Variants in GALNT1 observed in about 807,000 individuals in gnomAD.
GALNT1 encodes the protein polypeptide N-acetylgalactosaminyltransferase 1.
A neutral mutation model predicts 65.7 loss-of-function variants in GALNT1; 17 were observed. That is an observed-to-expected ratio of 0.26 (90% confidence interval 0.18 to 0.39). The LOEUF (loss-of-function observed/expected upper bound fraction) is 0.39. Among genes scored for constraint, GALNT1 ranks in the 10% least tolerant of loss-of-function variants. The pLI is 1.00. For synonymous variants in GALNT1, 210 were observed against 219.7 expected (o/e 0.96, Z 0.39); for missense variants, 460 against 672.8 (o/e 0.68, Z 3.50).
intron 1 of GALNT1, among the ~76,000 whole-genome samples, chr18:35,643,473 C>T (rs1318533168): frequency 6.6e-6 from 1 of 152,110 alleles, no homozygotes; most frequent in Non-Finnish European, 1.5e-5. Context: ...TAAAACATAA[C>T]ACATATCTGG....
intron 1 of GALNT1, among the ~76,000 whole-genome samples, chr18:35,584,168 T>C (rs1443932339): frequency 6.6e-6 from 1 of 152,244 alleles, no homozygotes; most frequent in Non-Finnish European, 1.5e-5. Flanking sequence ...TGTCCTGGCT[T>C]TCTTTGATGG....
At chr18:35,692,492 T>C (rs2047984289) in intron 9 of GALNT1, among the ~76,000 whole-genome samples, 172 bp downstream of exon 9, 1 of 152,126 alleles carries the variant, frequency 6.6e-6, no homozygotes, top group Non-Finnish European at 1.5e-5. Context: ...ATATTCTTTT[T>C]TTCCCATTCC....
chr18:35,659,794 A>G (rs2047450118), intron 2 of GALNT1: 2 of 152,234 alleles, frequency 1.3e-5, no homozygotes, highest in South Asian at 2.1e-4. Context: ...ACTTTAAAAT[A>G]TTACTAGTAA....
intron 1 of GALNT1, among the ~76,000 whole-genome samples, chr18:35,653,788 A>G (rs1332436244): frequency 1.3e-5 from 2 of 152,234 alleles, no homozygotes; most frequent in East Asian, 3.8e-4. Context: ...TAACATAATA[A>G]AGGGAGGTAG....
chr18:35,629,663 T>G (rs942600589), intron 1 of GALNT1, among the ~76,000 whole-genome samples: 2 of 152,116 alleles, frequency 1.3e-5, no homozygotes, highest in African/African-American at 2.4e-5. Flanking sequence ...ATCAACTAAC[T>G]AGCAAAATAG....
chr18:35,586,056 A>G (rs1338877444), intron 1 of GALNT1, among the ~76,000 whole-genome samples: 6 of 152,106 alleles, frequency 3.9e-5, no homozygotes, highest in African/African-American at 1.4e-4. Context: ...CTGTTTTGTA[A>G]AATGTTCTAG....
At chr18:35,709,033 G>C (rs964838939) in intron 11 of GALNT1, among the ~76,000 whole-genome samples, 5 of 152,056 alleles carry the variant, frequency 3.3e-5, no homozygotes, top group Admixed American at 3.3e-4. Context: ...ATAGCCTCTG[G>C]GTTTGCTATG....
Position 35,654,818 on chromosome 18 carries a change from A to G in GALNT1, c.139+17A>G, listed in dbSNP as rs150746841. 1.9e-6 allele frequency: 3 copies of G among 1,543,500 alleles called. No individual in the cohort carries two copies. Among genetic ancestry groups the G allele is most frequent in the African/African-American group, 1.4e-5 (1 of 72,390 alleles). On this transcript the variant is annotated intron_variant, in intron 2 of 11. Coordinates refer to ENST00000269195, the MANE Select transcript of GALNT1 (RefSeq NM_020474.4). ...CTGGAGATGGTGAGTGACATTTTATAATAGAGCTGTTTTAACTACTATATC... is the reference window on the plus strand; with the variant it reads ...CTGGAGATGGTGAGTGACATTTTATGATAGAGCTGTTTTAACTACTATATC...
At chr18:35,626,269 A>G (rs1049558463) in intron 1 of GALNT1, among the ~76,000 whole-genome samples, 1 of 152,082 alleles carries the variant, frequency 6.6e-6, no homozygotes, top group Non-Finnish European at 1.5e-5. Context: ...AACATTTTTC[A>G]TGTTTGTGTG....
intron 9 of GALNT1, among the ~76,000 whole-genome samples, chr18:35,700,752 G>A (rs570929732): frequency 6.6e-6 from 1 of 152,236 alleles, no homozygotes; most frequent in African/African-American, 2.4e-5. Context: ...CAAAGTGCTA[G>A]GATTCTACAT....
intron 1 of GALNT1, among the ~76,000 whole-genome samples, chr18:35,650,901 G>T (rs1460548292): frequency 6.6e-6 from 1 of 152,162 alleles, no homozygotes; most frequent in African/African-American, 2.4e-5. Context: ...GAGATTAAGA[G>T]ATTAAAGCAA....
At chr18:35,611,468 C>A (rs577387779) in intron 1 of GALNT1, among the ~76,000 whole-genome samples, 1 of 152,256 alleles carries the variant, frequency 6.6e-6, no homozygotes, top group East Asian at 1.9e-4. Flanking sequence ...CTATAATTTG[C>A]AGCAACCTTA....
chr18:35,671,735 A>G (rs2047639669), intron 3 of GALNT1, among the ~76,000 whole-genome samples: 1 of 152,064 alleles, frequency 6.6e-6, no homozygotes, highest in Non-Finnish European at 1.5e-5. Flanking sequence ...CTTGGTTTGG[A>G]AGCCGTACAC....
chr18:35,626,890 T>G (rs1487083388), intron 1 of GALNT1, among the ~76,000 whole-genome samples: 1 of 152,228 alleles, frequency 6.6e-6, no homozygotes, highest in Admixed American at 6.5e-5. Flanking sequence ...GGGATATAAC[T>G]GTTTCTGAAT....
Position 35,699,157 on chromosome 18 carries a change from C to T in GALNT1, c.1300-3740C>T, listed in dbSNP as rs983468667. ...TCAAATCTTATAACTAATGTATGCCCCCTCTAATTCTCTCTACTCTGAAAT... is the reference window on the plus strand; with the variant it reads ...TCAAATCTTATAACTAATGTATGCCTCCTCTAATTCTCTCTACTCTGAAAT... On this transcript the variant is annotated intron_variant, in intron 9 of 11. Transcript: ENST00000269195. Among the ~76,000 whole-genome samples, 6 of 151,980 alleles carry T rather than the reference C, an allele frequency of 3.9e-5. No homozygotes were observed. The East Asian group carries it at 9.6e-4, about 24-fold the overall frequency.
chr18:35,704,281 G>A (rs888536785), intron 11 of GALNT1, among the ~76,000 whole-genome samples: 1 of 138,738 alleles, frequency 7.2e-6, no homozygotes, highest in Admixed American at 7.2e-5. Context: ...CTTAACTTCT[G>A]TAAGGCATTT....
chr18:35,665,594 A>G (rs751800160), intron 3 of GALNT1, among the ~76,000 whole-genome samples: 7 of 152,138 alleles, frequency 4.6e-5, no homozygotes, highest in Admixed American at 6.6e-5. Context: ...CCCAGGGGGG[A>G]AAAAAGACCT....
chr18:35,632,190 A>G (rs1479449464), intron 1 of GALNT1, among the ~76,000 whole-genome samples: 1 of 152,222 alleles, frequency 6.6e-6, no homozygotes, highest in African/African-American at 2.4e-5. Flanking sequence ...ACAGAATTGG[A>G]AAAAACTACT....
upstream of GALNT1, chr18:35,581,721 C>A (rs1418624901): frequency 6.9e-6 from 1 of 144,356 alleles, no homozygotes. Flanking sequence ...CCCGCCCGCC[C>A]GCCGGGGGAG....
Sources: allele counts gnomAD v4.1 joint callset (sites outside exome capture counted in the v4.1 genomes callset), GRCh38; gene constraint gnomAD v4.1.1; transcripts MANE v1.5; gene names NCBI Gene and HGNC (gene_info 2026-07-23, HGNC 2026-07-21).